Variants in CNTNAP2 observed in about 807,000 individuals in gnomAD.
CNTNAP2 encodes contactin-associated protein-like 2.
Under a neutral mutation model 155.2 loss-of-function variants are expected in CNTNAP2, and 98 were observed. That is an observed-to-expected ratio of 0.63 (90% CI 0.54 to 0.75). CNTNAP2 has a LOEUF of 0.75. Among genes scored for constraint, CNTNAP2 ranks in the 30% least tolerant of loss-of-function variants. The probability of loss-of-function intolerance (pLI) is 0.00; values close to 1 mark genes in which losing one functional copy is unlikely to be tolerated. For missense variants in CNTNAP2, 1,727 were observed against 1,688.1 expected (o/e 1.02, Z -0.40); for synonymous variants, 651 against 631.2 (o/e 1.03, Z -0.47).
chr7:148,350,133 T>C (rs542871429), intron 21 of CNTNAP2, among the ~76,000 whole-genome samples: 11 of 152,082 alleles, frequency 7.2e-5, no homozygotes, highest in Non-Finnish European at 1.5e-4. Flanking sequence ...GAGAACATAA[T>C]TGAAGGTACA....
Position 147,148,282 on chromosome 7 carries a change from T to C in CNTNAP2, c.1348+15773T>C, listed in dbSNP as rs559676415. ...GCGGGCGCCTGTAGTCCCAGCTACT[T>C]GGGAGGCTGAGGCAGGAGAATGGCG... On this transcript the variant is annotated intron_variant, in intron 8 of 23. Coordinates refer to ENST00000361727, the MANE Select transcript of CNTNAP2 (RefSeq NM_014141.6). 3.4e-5 allele frequency among the ~76,000 whole-genome samples: 5 copies of C among 147,156 alleles called. No individual in the cohort carries two copies. In the South Asian group the frequency reaches 8.6e-4, roughly 25 times the overall value.
intron 8 of CNTNAP2, among the ~76,000 whole-genome samples, chr7:147,249,014 C>T (rs1804127755): frequency 6.6e-6 from 1 of 151,960 alleles, no homozygotes. Flanking sequence ...TGGTGGAAAA[C>T]ACACACACAC....
At chr7:147,885,794 A>G (rs1799591470) in intron 13 of CNTNAP2, among the ~76,000 whole-genome samples, 1 of 152,224 alleles carries the variant, frequency 6.6e-6, no homozygotes, top group Non-Finnish European at 1.5e-5. Flanking sequence ...TTTACCTGCT[A>G]GAAGCTGGAG....
chr7:146,939,328 C>T (rs926274378), intron 3 of CNTNAP2, among the ~76,000 whole-genome samples: 2 of 152,076 alleles, frequency 1.3e-5, no homozygotes, highest in Admixed American at 6.6e-5. Flanking sequence ...ATCCATTTGT[C>T]CACATCTATA....
At chr7:148,210,425 G>T (rs937708337) in intron 18 of CNTNAP2, among the ~76,000 whole-genome samples, 1 of 152,174 alleles carries the variant, frequency 6.6e-6, no homozygotes, top group African/African-American at 2.4e-5. Context: ...TATAATAGAT[G>T]CAAACTATCT....
chr7:147,353,110 T>C (rs35530546), intron 9 of CNTNAP2, among the ~76,000 whole-genome samples: 39,029 of 150,394 alleles, frequency 0.26, 5,222 homozygotes, highest in Non-Finnish European at 0.28. Context: ...CACACACACA[T>C]GTATATGTAT....
At chr7:146,764,272 G>T (rs1007493213) in intron 1 of CNTNAP2, among the ~76,000 whole-genome samples, 1 of 152,110 alleles carries the variant, frequency 6.6e-6, no homozygotes, top group African/African-American at 2.4e-5. Flanking sequence ...CTTCTTACGA[G>T]ACTGTAGAAT....
chr7:148,158,783 G>A (rs1005907834), intron 17 of CNTNAP2, among the ~76,000 whole-genome samples: 4 of 152,182 alleles, frequency 2.6e-5, no homozygotes, highest in Non-Finnish European at 5.9e-5. Context: ...ACATTTTAAT[G>A]TAACGGTACC....
At chr7:146,198,488 T>G (rs1798809904) in intron 1 of CNTNAP2, among the ~76,000 whole-genome samples, 1 of 152,142 alleles carries the variant, frequency 6.6e-6, no homozygotes, top group Admixed American at 6.5e-5. Context: ...TGCCTCCCAT[T>G]TGTTTAATTG....
intron 12 of CNTNAP2, among the ~76,000 whole-genome samples, chr7:147,589,671 T>C (rs80092828): frequency 3.3e-5 from 5 of 152,320 alleles, no homozygotes; most frequent in African/African-American, 1.2e-4. Flanking sequence ...TGTATCATAG[T>C]GTATTTTTCA....
intron 17 of CNTNAP2, among the ~76,000 whole-genome samples, chr7:148,161,258 C>G (rs1186589452): frequency 6.6e-6 from 1 of 152,194 alleles, no homozygotes; most frequent in Non-Finnish European, 1.5e-5. Context: ...TTTCTGCTGT[C>G]ATTGGTTCTG....
At chr7:147,384,839 T>C (rs542841222) in intron 9 of CNTNAP2, among the ~76,000 whole-genome samples, 11 of 152,216 alleles carry the variant, frequency 7.2e-5, no homozygotes, top group Non-Finnish European at 1.6e-4. Context: ...TACTGTACCC[T>C]TCACCCAGAG....
intron 15 of CNTNAP2, among the ~76,000 whole-genome samples, chr7:148,089,181 A>G (rs1000630111): frequency 1.1e-4 from 17 of 152,002 alleles, no homozygotes; most frequent in African/African-American, 4.1e-4. Context: ...ACATACAACA[A>G]GCCCATAGCT....
intron 1 of CNTNAP2, among the ~76,000 whole-genome samples, chr7:146,530,213 T>G (rs1220426470): frequency 6.6e-6 from 1 of 152,100 alleles, no homozygotes; most frequent in Non-Finnish European, 1.5e-5. Context: ...TCATTTCCCC[T>G]TATTAAAAAA....
rs117695259 is a variant in CNTNAP2, at chr7:148,401,299, C to T, written c.3716-8092C>T. Among the ~76,000 whole-genome samples the T allele has an allele frequency of 3.3e-5, 5 of 152,292 alleles. No individual in the cohort carries two copies. In the East Asian group the frequency reaches 9.7e-4, roughly 29 times the overall value. On this transcript the variant is annotated intron_variant, in intron 22 of 23. Transcript: ENST00000361727. Reference sequence around the variant, plus strand: ...GCACCCACCAACCATGTGGCTTTCACCTAATTATCATCCATTCTGCATTTT... The same window carrying T: ...GCACCCACCAACCATGTGGCTTTCATCTAATTATCATCCATTCTGCATTTT...
At chr7:148,075,330 A>G (rs1470258081) in intron 15 of CNTNAP2, among the ~76,000 whole-genome samples, 1 of 152,176 alleles carries the variant, frequency 6.6e-6, no homozygotes, top group African/African-American at 2.4e-5. Context: ...CCAGCTCCTC[A>G]GATGGCTGAG....
At chr7:147,437,747 G>C (rs1409478013) in intron 10 of CNTNAP2, among the ~76,000 whole-genome samples, 1 of 152,044 alleles carries the variant, frequency 6.6e-6, no homozygotes, top group Non-Finnish European at 1.5e-5. Context: ...TTGATGTTTT[G>C]ATAAGAATTG....
chr7:148,174,071 T>G (rs1414366432), intron 18 of CNTNAP2, among the ~76,000 whole-genome samples: 3 of 152,246 alleles, frequency 2.0e-5, no homozygotes, highest in African/African-American at 7.2e-5. Flanking sequence ...CCTCTGACAT[T>G]ATTTCAACAT....
intron 1 of CNTNAP2, among the ~76,000 whole-genome samples, chr7:146,751,685 T>G (rs1801906197): frequency 6.6e-6 from 1 of 152,188 alleles, no homozygotes; most frequent in African/African-American, 2.4e-5. Context: ...GTTATACATG[T>G]GCCATGGTGG....
Sources: allele counts gnomAD v4.1 joint callset (sites outside exome capture counted in the v4.1 genomes callset), GRCh38; gene constraint gnomAD v4.1.1; transcripts MANE v1.5; gene names NCBI Gene and HGNC (gene_info 2026-07-23, HGNC 2026-07-21).